Variants in SLC24A2 observed in about 807,000 individuals in gnomAD.
SLC24A2 encodes the protein sodium/potassium/calcium exchanger 2.
In SLC24A2, 36 loss-of-function variants were observed where a neutral mutation model predicts 62.0. The ratio of observed to expected loss-of-function variants is 0.58; its 90% CI spans 0.44 to 0.77. SLC24A2 has a LOEUF of 0.77. Among genes scored for constraint, SLC24A2 ranks in the 30% least tolerant of loss-of-function variants. The probability of loss-of-function intolerance (pLI) is 0.00; values close to 1 mark genes in which losing one functional copy is unlikely to be tolerated. For synonymous variants in SLC24A2, 358 were observed against 294.0 expected, an observed-to-expected ratio of 1.22 and a Z score of -2.23; for missense variants, 846 against 817.9, an observed-to-expected ratio of 1.03 and a Z score of -0.42.
the SLC24A2 span, among the ~76,000 whole-genome samples, chr9:20,099,050 A>G: frequency 2.6e-5 from 4 of 152,244 alleles, no homozygotes; most frequent in East Asian, 7.7e-4. Context: ...CACTGCCAAC[A>G]GAACAAAAAG....
rs1043929940 is a variant in SLC24A2 at position 19,513,241 on chromosome 9, G to A, written c.*2912C>T. ...ACAGGCATGCAGGAAACGAGTTAGAGATGACCTGTTTTGGAAACCACGGTG... is the reference window on the plus strand; with the variant it reads ...ACAGGCATGCAGGAAACGAGTTAGAAATGACCTGTTTTGGAAACCACGGTG... On this transcript the variant is annotated 3_prime_UTR_variant, in exon 11 of 11. Transcript: ENST00000341998. 6.7e-6 allele frequency: 1 copy of A among 148,752 alleles called. No homozygotes were observed. The highest frequency in any genetic ancestry group is 6.8e-5 in the Admixed American group (1 of 14,700). 9.2% of individuals were successfully genotyped at this position (148,752 alleles called of 1,614,324 possible).
chr9:20,304,065 A>T, the SLC24A2 span, among the ~76,000 whole-genome samples: 1 of 152,210 alleles, frequency 6.6e-6, no homozygotes, highest in African/African-American at 2.4e-5. Context: ...CTAATTCGTT[A>T]GTCTTGGGTT....
chr9:19,638,828 A>G (rs563051453), intron 2 of SLC24A2, among the ~76,000 whole-genome samples: 1 of 152,338 alleles, frequency 6.6e-6, no homozygotes, highest in Admixed American at 6.5e-5. Flanking sequence ...GGATCCCTAC[A>G]GGCACTCAAT....
the SLC24A2 span, among the ~76,000 whole-genome samples, chr9:19,915,590 C>G: frequency 2.5e-4 from 38 of 152,050 alleles, no homozygotes; most frequent in African/African-American, 9.2e-4. Flanking sequence ...TCCTTACCAA[C>G]AGTTATTTTC....
At chr9:20,287,299 G>T in the SLC24A2 span, among the ~76,000 whole-genome samples, 1 of 152,200 alleles carries the variant, frequency 6.6e-6, no homozygotes, top group African/African-American at 2.4e-5. Flanking sequence ...TGGGAACCAG[G>T]CAAACATTCA....
At chr9:19,833,326 G>C in the SLC24A2 span, among the ~76,000 whole-genome samples, 34 of 152,314 alleles carry the variant, frequency 2.2e-4, no homozygotes, top group Middle Eastern at 6.8e-3. Flanking sequence ...CCCTTTCCTA[G>C]TAAAAGAAAG....
At chr9:20,092,216 C>T in the SLC24A2 span, among the ~76,000 whole-genome samples, 1 of 152,318 alleles carries the variant, frequency 6.6e-6, no homozygotes, top group East Asian at 1.9e-4. Context: ...AACAAACCTG[C>T]ACATATACCT....
chr9:20,106,925 G>A, the SLC24A2 span, among the ~76,000 whole-genome samples: 1 of 152,172 alleles, frequency 6.6e-6, no homozygotes, highest in East Asian at 1.9e-4. Flanking sequence ...GTTTGCAGAC[G>A]ACATGATTGT....
chr9:19,735,503 C>A (rs1011023452), intron 2 of SLC24A2, among the ~76,000 whole-genome samples: 2 of 152,156 alleles, frequency 1.3e-5, no homozygotes, highest in Non-Finnish European at 2.9e-5. Flanking sequence ...CATCCCATTA[C>A]TGGGTATATA....
At chr9:19,534,936 T>G (rs1381944952) in intron 8 of SLC24A2, among the ~76,000 whole-genome samples, 1 of 152,238 alleles carries the variant, frequency 6.6e-6, no homozygotes, top group African/African-American at 2.4e-5. Context: ...ATTGCCACAC[T>G]GTCTTCCACA....
At chr9:20,164,609 T>C in the SLC24A2 span, among the ~76,000 whole-genome samples, 1 of 151,284 alleles carries the variant, frequency 6.6e-6, no homozygotes, top group Non-Finnish European at 1.5e-5. Flanking sequence ...AGAAATACCA[T>C]TTGACCCAGC....
At chr9:20,129,974 G>T in the SLC24A2 span, among the ~76,000 whole-genome samples, 1 of 84,844 alleles carries the variant, frequency 1.2e-5, no homozygotes, top group Admixed American at 1.0e-4. Context: ...CAGAGGTTAA[G>T]ATTTCCTAGA....
the SLC24A2 span, among the ~76,000 whole-genome samples, chr9:20,261,871 C>A: frequency 6.6e-5 from 10 of 150,932 alleles, no homozygotes; most frequent in African/African-American, 2.2e-4. Flanking sequence ...TCCCGAGTAG[C>A]CGGGACTACA....
the SLC24A2 span, among the ~76,000 whole-genome samples, chr9:20,223,385 G>A: frequency 1.3e-5 from 2 of 152,100 alleles, no homozygotes; most frequent in African/African-American, 4.8e-5. Flanking sequence ...AACACTTTGG[G>A]AGGCCAAGGT....
At position 19,779,724 on chromosome 9, in the gene SLC24A2, G is replaced by A. The variant is rs138529387; in HGVS notation, c.930+6213C>T. On this transcript the variant is annotated intron_variant, in intron 2 of 10. Coordinates refer to ENST00000341998, the MANE Select transcript of SLC24A2 (RefSeq NM_020344.4). ...TAAAATGACAATGTCTAATTTATGA[G>A]GCTTAAAAAATGAAAGTTATAACTC... Among the ~76,000 whole-genome samples the A allele has an allele frequency of 9.9e-3, 1,515 of 152,266 alleles. 34 individuals are homozygous for A. Among genetic ancestry groups the A allele is most frequent in the African/African-American group, 0.035 (1,439 of 41,554 alleles).
the SLC24A2 span, among the ~76,000 whole-genome samples, chr9:20,239,299 C>T: frequency 6.6e-6 from 1 of 152,182 alleles, no homozygotes; most frequent in Admixed American, 6.5e-5. Context: ...TTGCATGGGA[C>T]ATTATAATAA....
the SLC24A2 span, among the ~76,000 whole-genome samples, chr9:20,117,652 A>T: frequency 6.6e-6 from 1 of 152,288 alleles, no homozygotes; most frequent in East Asian, 1.9e-4. Flanking sequence ...AAACTCAGAG[A>T]AGTCAACTAG....
the SLC24A2 span, among the ~76,000 whole-genome samples, chr9:20,269,938 T>G: frequency 6.6e-6 from 1 of 152,220 alleles, no homozygotes; most frequent in Non-Finnish European, 1.5e-5. Context: ...CTCACAGTTC[T>G]GCAGGCTAGG....
At chr9:19,751,478 G>T (rs1821982272) in intron 2 of SLC24A2, among the ~76,000 whole-genome samples, 1 of 152,172 alleles carries the variant, frequency 6.6e-6, no homozygotes, top group Non-Finnish European at 1.5e-5. Context: ...TTGGTGGGCT[G>T]GGACCTGGAG....
Sources: gnomAD v4.1 joint callset for allele counts (sites outside exome capture counted in the v4.1 genomes callset) on GRCh38, gnomAD v4.1.1 for gene constraint, MANE v1.5 for transcripts, NCBI Gene and HGNC (gene_info 2026-07-23, HGNC 2026-07-21) for gene names.